The following MYCBP2 variants were observed in gnomAD, a reference collection of about 807,000 sequenced individuals.
MYCBP2 encodes MYC binding protein 2, also known as E3 ubiquitin-protein ligase MYCBP2.
MYCBP2 carries 120 observed loss-of-function variants against 525.3 expected under a neutral mutation model. The observed-to-expected ratio is 0.23, with a 90% confidence interval of 0.20 to 0.27. The LOEUF is 0.27. MYCBP2 is among the 10% of genes least tolerant of loss of function. The pLI is 1.00. For missense variants in MYCBP2, 4,149 were observed against 5,657.1 expected (o/e 0.73, Z 8.55); for synonymous variants, 1,894 against 1,955.8 (o/e 0.97, Z 0.83).
chr13:77,121,093 A>G (rs1377352682), intron 55 of MYCBP2: 1 of 194,500 alleles, frequency 5.1e-6, no homozygotes, highest in Admixed American at 6.0e-5. Flanking sequence ...GTGAAATAGA[A>G]TCTTTAGGAT....
At chr13:77,060,443 T>C (rs935053039) in intron 76 of MYCBP2, among the ~76,000 whole-genome samples, 6 of 152,212 alleles carry the variant, frequency 3.9e-5, no homozygotes, top group African/African-American at 7.2e-5. Context: ...TAGAATTAAA[T>C]TGATTCGGAT....
At chr13:77,142,551 G>T (rs1298665762) in intron 49 of MYCBP2, among the ~76,000 whole-genome samples, 1 of 152,100 alleles carries the variant, frequency 6.6e-6, no homozygotes, top group Non-Finnish European at 1.5e-5. Context: ...AAATATTTTG[G>T]TGAAATATTA....
chr13:77,046,218 C>G (rs2035533177), intron 82 of MYCBP2, among the ~76,000 whole-genome samples: 1 of 152,134 alleles, frequency 6.6e-6, no homozygotes, highest in Non-Finnish European at 1.5e-5. Context: ...TCATGGGTTT[C>G]ATATCATTTA....
intron 7 of MYCBP2, among the ~76,000 whole-genome samples, chr13:77,269,444 T>G (rs965542794): frequency 6.6e-6 from 1 of 152,164 alleles, no homozygotes; most frequent in Non-Finnish European, 1.5e-5. Flanking sequence ...GAGACCAACC[T>G]GGCCAAAATG....
chr13:77,116,146 G>A (rs1246644779), intron 55 of MYCBP2, among the ~76,000 whole-genome samples: 1 of 151,940 alleles, frequency 6.6e-6, no homozygotes, highest in Non-Finnish European at 1.5e-5. Flanking sequence ...AAATGAGGCT[G>A]TATCAAAGTG....
At chr13:77,074,164 G>A (rs2041900216) in intron 68 of MYCBP2, among the ~76,000 whole-genome samples, 1 of 151,958 alleles carries the variant, frequency 6.6e-6, no homozygotes, top group East Asian at 1.9e-4. Flanking sequence ...CACTTTGATG[G>A]ATCAATGGAG....
intron 33 of MYCBP2, among the ~76,000 whole-genome samples, chr13:77,180,568 C>T (rs887333628): frequency 6.6e-5 from 10 of 152,138 alleles, no homozygotes; most frequent in African/African-American, 2.4e-4. Context: ...CTATTTTATT[C>T]TCTTATTTAA....
chr13:77,147,073 C>G (rs1450396149), intron 47 of MYCBP2, among the ~76,000 whole-genome samples: 1 of 152,012 alleles, frequency 6.6e-6, no homozygotes, highest in Non-Finnish European at 1.5e-5. Context: ...ACGGCTGAAC[C>G]TCAAAAACAA....
Position 77,273,546 on chromosome 13 carries a change from C to T in MYCBP2, c.871G>A (p.Glu291Lys), listed in dbSNP as rs1190251837. 1 of 1,613,520 alleles carries T rather than the reference C, an allele frequency of 6.2e-7. No homozygotes were observed. Among genetic ancestry groups the T allele is most frequent in the African/African-American group, 1.3e-5 (1 of 74,886 alleles). The stretch of plus-strand genomic sequence containing the variant: ...ATGGCCTGAAGTGTCCTTCCTGTTT[C>T]TCCCCAAGAAGCCACCAGACTAAAG... ...CLFSLVASWG[E>K]TGRTLQAISA... Residue 291 changes from glutamate to lysine, a missense_variant, in exon 5 of 83, where the codon GAA (glutamate) becomes AAA (lysine). Coordinates refer to ENST00000544440, the MANE Select transcript of MYCBP2 (RefSeq NM_015057.5).
intron 66 of MYCBP2, 81 bp from the exon 67 acceptor site, chr13:77,077,468 C>A: frequency 5.9e-6 from 9 of 1,523,498 alleles, no homozygotes; most frequent in Non-Finnish European, 8.0e-6. Flanking sequence ...TTGATACCAG[C>A]AAGCTCAAAT....
rs913679186 is a variant in MYCBP2 at position 77,263,870 on chromosome 13, A to C, written c.1431+59T>G. ...TCTACAGTCTATCTAATAAAAGCTA[A>C]ATAATTTAAGGAAAAGGAATTCCAT... On this transcript the variant is annotated intron_variant, in intron 9 of 82. Transcript: ENST00000544440. The C allele has an allele frequency of 2.5e-6, 4 of 1,606,996 alleles. No individual in the cohort carries two copies. The African/African-American group carries it at 5.4e-5, about 22-fold the overall frequency.
At chr13:77,158,801 T>C (rs1339435409) in intron 44 of MYCBP2, among the ~76,000 whole-genome samples, 1 of 152,174 alleles carries the variant, frequency 6.6e-6, no homozygotes, top group Admixed American at 6.5e-5. Flanking sequence ...GGTGTGTCTG[T>C]TCTCTTGGGT....
chr13:77,076,200 A>G (rs2064129849), intron 68 of MYCBP2: 1 of 152,230 alleles, frequency 6.6e-6, no homozygotes, highest in African/African-American at 2.4e-5. Flanking sequence ...CATGTGTGTG[A>G]TGCTACCATG....
rs71814048 is a variant in MYCBP2, at chr13:77,071,271, GCACACACACACACACACACA to G, written c.11824-580_11824-561del. On this transcript the variant is annotated intron_variant, in intron 68 of 82. Transcript: ENST00000544440. ...TATATGCATGCACGTGTGTGCACACGCACACACACACACACACACACACACACACACACACACAAATCTTA... is the reference window on the plus strand; with the variant it reads ...TATATGCATGCACGTGTGTGCACACGCACACACACACACACACAAATCTTA... 4.2e-5 allele frequency among the ~76,000 whole-genome samples: 6 copies of G among 142,736 alleles called. 1 individual carries two copies. The highest frequency in any genetic ancestry group is 1.6e-4 in the African/African-American group (6 of 36,848). The allele number at this position is 142,736 out of a possible 152,430, so 93.6% of individuals were successfully genotyped here.
chr13:77,244,458 A>T (rs565450990), intron 15 of MYCBP2, among the ~76,000 whole-genome samples: 1 of 152,300 alleles, frequency 6.6e-6, no homozygotes, highest in African/African-American at 2.4e-5. Context: ...AACTGGCTAG[A>T]CATATGCAGA....
chr13:77,057,261 T>C (rs1055513215), intron 78 of MYCBP2, among the ~76,000 whole-genome samples, 168 bp from the exon 79 acceptor site: 9 of 152,278 alleles, frequency 5.9e-5, no homozygotes, highest in African/African-American at 2.2e-4. Flanking sequence ...CATTATTATT[T>C]ACTAAATTTC....
intron 2 of MYCBP2, among the ~76,000 whole-genome samples, chr13:77,292,347 C>G (rs927605821): frequency 2.6e-5 from 4 of 151,914 alleles, no homozygotes; most frequent in Non-Finnish European, 5.9e-5. Context: ...GTCCTTCTGG[C>G]AAATCAAAGG....
At position 77,168,432 on chromosome 13, in the gene MYCBP2, T is replaced by A. The variant is rs1401680704; in HGVS notation, c.6110A>T (p.Tyr2037Phe). Reference sequence around the variant, plus strand: ...ACACTAAGAACCGGTGCCTACCTTGTAATGCATCACACAGGCAGGTTTATA... The same window carrying A: ...ACACTAAGAACCGGTGCCTACCTTGAAATGCATCACACAGGCAGGTTTATA... ...HPYKPACVMH[Y>F]KVTFPECVRW... The change falls in exon 40 of 83, where the codon TAC becomes TTC. Residue 2037 changes from tyrosine to phenylalanine, a missense_variant. This residue lies in a region of MYCBP2 where 692 missense variants were observed against 852.7 expected (regional missense o/e 0.81). Coordinates refer to ENST00000544440, the MANE Select transcript of MYCBP2 (RefSeq NM_015057.5). The A allele has an allele frequency of 1.9e-6, 3 of 1,613,704 alleles. No homozygotes were observed. Among genetic ancestry groups the A allele is most frequent in the South Asian group, 1.1e-5 (1 of 91,056 alleles).
At chr13:77,310,676 G>C (rs1349344349) in intron 1 of MYCBP2, among the ~76,000 whole-genome samples, 1 of 151,786 alleles carries the variant, frequency 6.6e-6, no homozygotes, top group African/African-American at 2.4e-5. Context: ...GGAAATAAAG[G>C]CCAAAATTTG....
Sources: gnomAD v4.1 joint callset for allele counts (sites outside exome capture counted in the v4.1 genomes callset) on GRCh38, gnomAD v4.1.1 for gene constraint, gnomAD v4.1.1 regional missense constraint, MANE v1.5 for transcripts, NCBI Gene and HGNC (gene_info 2026-07-23, HGNC 2026-07-21) for gene names.